PDCD11: variants seen among roughly 807,000 people sequenced by gnomAD.
PDCD11 encodes programmed cell death 11, also known as protein RRP5 homolog.
Under a neutral mutation model 198.9 loss-of-function variants are expected in PDCD11, and 97 were observed. The ratio of observed to expected loss-of-function variants is 0.49; its 90% CI spans 0.41 to 0.58. The LOEUF (loss-of-function observed/expected upper bound fraction) is 0.58. Ranked by LOEUF, PDCD11 falls within the 20% of genes least tolerant of loss-of-function variation. The pLI, the probability that PDCD11 is intolerant of heterozygous loss-of-function variation, is 0.00. For synonymous variants in PDCD11, 893 were observed against 918.0 expected (o/e 0.97, Z 0.49); for missense variants, 2,102 against 2,312.7 (o/e 0.91, Z 1.87).
chr10:103,414,068 C>G lies in PDCD11; in HGVS notation c.1288C>G (p.Leu430Val). Reference protein sequence around the residue: ...RIIDYSQMDELALLSLRTSII... With the variant: ...RIIDYSQMDEVALLSLRTSII... The stretch of plus-strand genomic sequence containing the variant: ...TATTGACTACAGCCAAATGGATGAA[C>G]TGGCCTTGCTCTCTCTACGAACGTA... Residue 430 changes from leucine (L) to valine (V), a missense_variant, in exon 10 of 36, where the codon CTG becomes GTG. Transcript: ENST00000369797. The G allele has an allele frequency of 6.2e-7, 1 of 1,613,024 alleles. No individual in the cohort carries two copies. The highest frequency in any genetic ancestry group is 8.5e-7 in the Non-Finnish European group (1 of 1,179,594).
intron 2 of PDCD11, among the ~76,000 whole-genome samples, chr10:103,399,107 GTTTTTT>G (rs71019680): frequency 6.3e-5 from 8 of 125,994 alleles, no homozygotes; most frequent in Non-Finnish European, 1.2e-4. Flanking sequence ...AGAGGAAGCA[GTTTTTT>G]TTTTTTTTTT....
intron 3 of PDCD11, among the ~76,000 whole-genome samples, chr10:103,402,177 C>G (rs980347351): frequency 6.6e-6 from 1 of 152,176 alleles, no homozygotes; most frequent in African/African-American, 2.4e-5. Context: ...GTCCTTTAGA[C>G]CTGGCATGGT....
In PDCD11 at chr10:103,400,526, G is replaced by A. The variant is rs376676478; in HGVS notation, c.232G>A (p.Glu78Lys). The A allele has an allele frequency of 6.2e-7, 1 of 1,611,192 alleles. No homozygotes were observed. The highest frequency in any genetic ancestry group is 1.3e-5 in the African/African-American group (1 of 74,774). ...AREKFEILSV[E>K]SLCEGMRILG... is the part of the protein sequence containing the mutation. ...AGAGAAGTTTGAAATCCTTAGTGTT[G>A]AGGTTTGTTAAAGTTGGTTTTCATT... Residue 78 changes from glutamate to lysine, a missense_variant and splice_region_variant, in exon 3 of 36, where the codon GAG (glutamate) becomes AAG (lysine). Transcript: ENST00000369797.
intron 25 of PDCD11, among the ~76,000 whole-genome samples, chr10:103,436,491 G>A (rs1342759127): frequency 6.6e-6 from 1 of 152,214 alleles, no homozygotes; most frequent in Non-Finnish European, 1.5e-5. Context: ...TGCCCTTGGA[G>A]GCAGAGACTG....
intron 11 of PDCD11, among the ~76,000 whole-genome samples, chr10:103,414,600 C>T (rs2030996078): frequency 6.6e-6 from 1 of 152,190 alleles, no homozygotes; most frequent in Non-Finnish European, 1.5e-5. Context: ...TAGACCTGAT[C>T]AAAAGTTAGT....
intron 31 of PDCD11, 113 bp from the exon 32 acceptor site, chr10:103,442,100 C>A: frequency 6.5e-7 from 1 of 1,547,386 alleles, no homozygotes; most frequent in Non-Finnish European, 8.8e-7. Context: ...AGTCCCAGGC[C>A]AGGGGGTATA....
At chr10:103,422,915 A>G in intron 17 of PDCD11, 73 bp from the exon 18 acceptor site, 1 of 1,334,694 alleles carries the variant, frequency 7.5e-7, no homozygotes, top group Non-Finnish European at 9.8e-7. Context: ...TGGTGATAGC[A>G]CACTGCCAGA....
Position 103,444,389 on chromosome 10 carries a change from CTCTTGTCACAACCTGAG to C in PDCD11, c.5279-122_5279-106del. 6.5e-6 allele frequency: 6 copies of C among 928,238 alleles called. No individual in the cohort carries two copies. In the South Asian group the frequency reaches 9.4e-5, roughly 14 times the overall value. 57.5% of individuals were successfully genotyped at this position (928,238 alleles called of 1,614,324 possible). A position where few individuals can be genotyped will look rare whatever the true frequency, so the allele number is the denominator to read the frequency against. Reference sequence around the variant, plus strand: ...ACCCACCCCTTTTGGGTCTTTGTCCCTCTTGTCACAACCTGAGTCTTGGGACCCAAGAGCAGGGAGTC... The same window carrying C: ...ACCCACCCCTTTTGGGTCTTTGTCCCTCTTGGGACCCAAGAGCAGGGAGTC... On this transcript the variant is annotated intron_variant, in intron 34 of 35. Transcript: ENST00000369797.
rs147305336 is a variant in PDCD11 at position 103,405,931 on chromosome 10, G to T, written c.565-54G>T. 3.8e-6 allele frequency: 6 copies of T among 1,589,478 alleles called. No homozygotes were observed. The East Asian group carries it at 6.7e-5, about 18-fold the overall frequency. On this transcript the variant is annotated intron_variant, in intron 5 of 35. Coordinates refer to ENST00000369797, the MANE Select transcript of PDCD11 (RefSeq NM_014976.2). ...GAACATTCAAGTTTGGATGTTTTGT[G>T]TGTGTCCCATTACCTTTGAATTGGA... is the stretch of plus-strand genomic sequence containing the variant.
intron 16 of PDCD11, among the ~76,000 whole-genome samples, chr10:103,421,110 A>T (rs779024507): frequency 1.1e-4 from 17 of 151,954 alleles, no homozygotes; most frequent in Non-Finnish European, 2.2e-4. Flanking sequence ...TCCTGACCCC[A>T]TGATCTGCCC....
intron 16 of PDCD11, among the ~76,000 whole-genome samples, chr10:103,420,914 C>T (rs1451198066): frequency 3.3e-5 from 5 of 149,906 alleles, no homozygotes; most frequent in Non-Finnish European, 5.9e-5. Context: ...CTCACTCTGT[C>T]GCCCAGGCTG....
chr10:103,427,561 G>T (rs905060143), intron 21 of PDCD11, among the ~76,000 whole-genome samples, 170 bp downstream of exon 21: 1 of 152,046 alleles, frequency 6.6e-6, no homozygotes, highest in Non-Finnish European at 1.5e-5. Context: ...AGGGCTGGAG[G>T]GATCATATGA....
intron 33 of PDCD11, 121 bp downstream of exon 33, chr10:103,443,454 C>A: frequency 1.4e-6 from 1 of 692,726 alleles, no homozygotes; most frequent in Non-Finnish European, 2.3e-6. Flanking sequence ...GGGGCCCCAA[C>A]TTCCCTATCT....
chr10:103,430,526 T>G (rs921659405), intron 21 of PDCD11, among the ~76,000 whole-genome samples: 1 of 152,222 alleles, frequency 6.6e-6, no homozygotes, highest in African/African-American at 2.4e-5. Context: ...TTTTAATATT[T>G]TGAGAAACTT....
intron 8 of PDCD11, 69 bp from the exon 9 acceptor site, chr10:103,413,047 C>A: frequency 8.4e-7 from 1 of 1,190,616 alleles, no homozygotes; most frequent in Non-Finnish European, 1.3e-6. Flanking sequence ...AGGCTTGATG[C>A]CTGGAAGGTC....
At chr10:103,410,426 A>ATATT (rs2030726608) in intron 8 of PDCD11, among the ~76,000 whole-genome samples, 1 of 152,052 alleles carries the variant, frequency 6.6e-6, no homozygotes, top group Admixed American at 6.6e-5. Context: ...GTTTAGAAGA[A>ATATT]TATTTAACAT....
In PDCD11 at chr10:103,417,773, CTG is replaced by C; in HGVS notation, c.1771-14_1771-13del. 6.2e-7 allele frequency: 1 copy of C among 1,612,422 alleles called. No homozygotes were observed. The highest frequency in any genetic ancestry group is 8.5e-7 in the Non-Finnish European group (1 of 1,179,446). On this transcript the variant is annotated splice_polypyrimidine_tract_variant and intron_variant, in intron 13 of 35. Transcript: ENST00000369797. ...GCTTGCTGGGAGGAGTTGGCCAAGC[CTG>C]TGTGGTTTCTTGCCAGGTGGTGAAG... is the stretch of plus-strand genomic sequence containing the variant.
Position 103,444,808 on chromosome 10 carries a change from C to T in PDCD11, c.5444+126C>T, listed in dbSNP as rs144234955. ...AGAAAACCAGCTAGATGTGATGCCC[C>T]AGGCCCAGTGACATTCACTTCAACT... On this transcript the variant is annotated intron_variant, in intron 35 of 35. Coordinates refer to ENST00000369797, the MANE Select transcript of PDCD11 (RefSeq NM_014976.2). 16 of 855,480 alleles carry T rather than the reference C, an allele frequency of 1.9e-5. No individual in the cohort carries two copies. In the African/African-American group the frequency reaches 2.3e-4, roughly 12 times the overall value. The allele number at this position is 855,480 out of a possible 1,614,324, so 53.0% of individuals were successfully genotyped here. A position where few individuals can be genotyped will look rare whatever the true frequency, so the allele number is the denominator to read the frequency against.
In PDCD11 at chr10:103,445,573, CTG is replaced by C; in HGVS notation, c.*26_*27del. 6.2e-7 allele frequency: 1 copy of C among 1,608,036 alleles called. No individual in the cohort carries two copies. The highest frequency in any genetic ancestry group is 1.7e-5 in the Admixed American group (1 of 59,706). On this transcript the variant is annotated 3_prime_UTR_variant, in exon 36 of 36. Coordinates refer to ENST00000369797, the MANE Select transcript of PDCD11 (RefSeq NM_014976.2). ...AGTGGCAGGCTGGCTCTGTGGGACA[CTG>C]TCAACAATGGGCCAGCCCGGCCCCG...
Sources: allele counts gnomAD v4.1 joint callset (sites outside exome capture counted in the v4.1 genomes callset), GRCh38; gene constraint gnomAD v4.1.1; transcripts MANE v1.5; gene names NCBI Gene and HGNC (gene_info 2026-07-23, HGNC 2026-07-21).